PCDHA9: variants seen among roughly 807,000 people sequenced by gnomAD.
PCDHA9 encodes protocadherin alpha 9.
A neutral mutation model predicts 62.0 loss-of-function variants in PCDHA9; 62 were observed. The ratio of observed to expected loss-of-function variants is 1.00; its 90% CI spans 0.81 to 1.23. The LOEUF (loss-of-function observed/expected upper bound fraction) is 1.23, where lower values mean the gene tolerates loss of function less well. Ranked by LOEUF, PCDHA9 falls within the 50% of genes most tolerant of loss-of-function variation. The pLI is 0.00. For synonymous variants in PCDHA9, 557 were observed against 567.6 expected, an observed-to-expected ratio of 0.98 and a Z score of 0.27; for missense variants, 1,205 against 1,249.8, an observed-to-expected ratio of 0.96 and a Z score of 0.54.
chr5:140,929,931 A>G (rs2086483535), intron 1 of PCDHA9: 1 of 152,250 alleles, frequency 6.6e-6, no homozygotes, highest in Non-Finnish European at 1.5e-5. Flanking sequence ...AAAACAGTGT[A>G]TTCTCTAGCC....
chr5:140,884,057 G>A (rs141156800), intron 1 of PCDHA9: 6 of 1,613,540 alleles, frequency 3.7e-6, no homozygotes, highest in Non-Finnish European at 5.1e-6. Context: ...GGTGCGCGCG[G>A]TGGACGCCGA....
chr5:140,943,305 CATT>C (rs1322564942), intron 1 of PCDHA9, among the ~76,000 whole-genome samples: 13 of 146,998 alleles, frequency 8.8e-5, no homozygotes, highest in African/African-American at 3.0e-4. Flanking sequence ...TTTGGGAAGT[CATT>C]ATTAGCAATA....
rs1411970319 is a variant in PCDHA9, at chr5:140,927,470, G to A, written c.2395-51479G>A. The A allele has an allele frequency of 4.3e-6, 7 of 1,614,054 alleles. 1 individual carries two copies. The highest frequency in any genetic ancestry group is 3.3e-5 in the South Asian group (3 of 91,088). ...TTGGTGTTGGAGAAAGCACTGGATC[G>A]CGAACAGCGCGCCACCCACCTGCTG... On this transcript the variant is annotated intron_variant, in intron 1 of 3. Transcript: ENST00000532602.
chr5:140,875,179 A>G, intron 1 of PCDHA9: 1 of 444,474 alleles, frequency 2.2e-6, no homozygotes, highest in East Asian at 4.2e-5. Context: ...AAACATTAGA[A>G]TTAAGAGTGA....
At chr5:140,951,741 C>A (rs1490111006) in intron 1 of PCDHA9, among the ~76,000 whole-genome samples, 3 of 152,062 alleles carry the variant, frequency 2.0e-5, no homozygotes, top group Non-Finnish European at 4.4e-5. Flanking sequence ...CTGCCACTGC[C>A]CTCACCCTCC....
chr5:140,887,941 A>C (rs529131971), intron 1 of PCDHA9, among the ~76,000 whole-genome samples: 25 of 152,194 alleles, frequency 1.6e-4, no homozygotes, highest in Admixed American at 7.8e-4. Flanking sequence ...TTTATTTCTT[A>C]TCTGTATAAG....
intron 1 of PCDHA9, among the ~76,000 whole-genome samples, chr5:140,935,942 G>A (rs2090659965): frequency 6.8e-6 from 1 of 147,088 alleles, no homozygotes; most frequent in Non-Finnish European, 1.5e-5. Flanking sequence ...GCCCAGGCTG[G>A]AGTAAAGTGG....
intron 3 of PCDHA9, among the ~76,000 whole-genome samples, chr5:140,994,922 G>A (rs184710391): frequency 4.6e-5 from 7 of 152,342 alleles, no homozygotes; most frequent in African/African-American, 9.6e-5. Context: ...ATCAGATTTT[G>A]TAGGACCTTA....
intron 3 of PCDHA9, among the ~76,000 whole-genome samples, chr5:140,988,245 G>C (rs17286877): frequency 0.027 from 4,184 of 152,286 alleles, 88 homozygotes; most frequent in Non-Finnish European, 0.043. Flanking sequence ...GAGTGGGGCA[G>C]CTCCCGCCTG....
intron 1 of PCDHA9, among the ~76,000 whole-genome samples, chr5:140,931,398 T>C: frequency 6.6e-6 from 1 of 152,112 alleles, no homozygotes; most frequent in African/African-American, 2.4e-5. Context: ...AAGTAAGCGA[T>C]AGGAAGGCTG....
chr5:140,863,401 CCCACGCTGGTGT>C, intron 1 of PCDHA9: 2 of 854,408 alleles, frequency 2.3e-6, no homozygotes, highest in East Asian at 4.2e-5. Flanking sequence ...GCCGGGCAAG[CCCACGCTGGTGT>C]ACCGCAGCGT....
intron 1 of PCDHA9, chr5:140,857,971 G>A: frequency 6.3e-7 from 1 of 1,596,806 alleles, no homozygotes; most frequent in Non-Finnish European, 8.6e-7. Flanking sequence ...AGACTGACTC[G>A]CCACGCCAGC....
intron 1 of PCDHA9, chr5:140,882,664 A>AT (rs782651285): frequency 6.2e-7 from 1 of 1,614,046 alleles, no homozygotes; most frequent in Admixed American, 1.7e-5. Flanking sequence ...ACCCGCCCAT[A>AT]TTCCCTGAAA....
chr5:140,951,008 G>A (rs563188363), intron 1 of PCDHA9, among the ~76,000 whole-genome samples: 2 of 151,974 alleles, frequency 1.3e-5, no homozygotes, highest in South Asian at 4.2e-4. Flanking sequence ...TTTTTCCCAA[G>A]ATCAGGCAGT....
intron 1 of PCDHA9, chr5:140,883,837 G>A (rs1554180178): frequency 6.2e-7 from 1 of 1,612,730 alleles, no homozygotes; most frequent in East Asian, 2.2e-5. Context: ...TGCAGCCGTT[G>A]GACCACGAGG....
intron 1 of PCDHA9, among the ~76,000 whole-genome samples, chr5:140,921,757 T>C (rs1361449960): frequency 6.6e-6 from 1 of 152,122 alleles, no homozygotes; most frequent in Non-Finnish European, 1.5e-5. Context: ...GGACACTTCT[T>C]GGCTACTATT....
intron 3 of PCDHA9, among the ~76,000 whole-genome samples, chr5:141,000,421 A>ATTTTTTTTTTT (rs34755515): frequency 3.6e-5 from 1 of 27,968 alleles, no homozygotes; most frequent in Non-Finnish European, 5.7e-5. Context: ...ATATATATAT[A>ATTTTTTTTTTT]TTTTTTTTTT....
At chr5:140,871,438 C>G (rs1246532449) in intron 1 of PCDHA9, 3 of 1,611,836 alleles carry the variant, frequency 1.9e-6, no homozygotes, top group Middle Eastern at 1.7e-4. Flanking sequence ...TCCTCTAGGT[C>G]TGAATAAAGA....
At chr5:140,949,603 A>G (rs1218724530) in intron 1 of PCDHA9, among the ~76,000 whole-genome samples, 3 of 151,662 alleles carry the variant, frequency 2.0e-5, no homozygotes, top group Non-Finnish European at 4.4e-5. Flanking sequence ...TGGCCATTCT[A>G]GTCTCATGTT....
Sources: gnomAD v4.1 joint callset for allele counts (sites outside exome capture counted in the v4.1 genomes callset) on GRCh38, gnomAD v4.1.1 for gene constraint, MANE v1.5 for transcripts, NCBI Gene and HGNC (gene_info 2026-07-23, HGNC 2026-07-21) for gene names.